TBCK: variants seen among roughly 807,000 people sequenced by gnomAD.
The protein encoded by TBCK is TBC1 domain containing kinase.
TBCK carries 99 observed loss-of-function variants against 113.4 expected under a neutral mutation model. The ratio of observed to expected loss-of-function variants is 0.87; its 90% CI spans 0.74 to 1.03. The LOEUF (loss-of-function observed/expected upper bound fraction) is 1.03. Among genes scored for constraint, TBCK ranks in the 50% least tolerant of loss-of-function variants. TBCK has a pLI of 0.00. For synonymous variants in TBCK, 369 were observed against 370.8 expected (o/e 1.00, Z 0.05); for missense variants, 1,045 against 1,061.3 (o/e 0.98, Z 0.21).
At chr4:106,252,319 G>A (rs1235726613) in intron 5 of TBCK, among the ~76,000 whole-genome samples, 10 of 151,702 alleles carry the variant, frequency 6.6e-5, no homozygotes, top group Admixed American at 6.6e-4. Context: ...CCTTCTTATT[G>A]CCTATCTTCC....
At chr4:106,149,165 G>C (rs954578523) in intron 23 of TBCK, among the ~76,000 whole-genome samples, 1 of 152,214 alleles carries the variant, frequency 6.6e-6, no homozygotes, top group Non-Finnish European at 1.5e-5. Context: ...TGGCTTAAGG[G>C]AATGTTGTGG....
chr4:106,095,714 A>G lies in TBCK; in HGVS notation c.2412-73T>C, dbSNP rs930285451. The G allele has an allele frequency of 5.1e-5, 71 of 1,384,270 alleles. 2 individuals are homozygous for G. In the South Asian group the frequency reaches 9.6e-4, roughly 19 times the overall value. 85.7% of individuals were successfully genotyped at this position (1,384,270 alleles called of 1,614,324 possible). A position where few individuals can be genotyped will look rare whatever the true frequency, so the allele number is the denominator to read the frequency against. On this transcript the variant is annotated intron_variant, in intron 24 of 25. Coordinates refer to ENST00000394708, the MANE Select transcript of TBCK (RefSeq NM_001163435.3). ...GTGTCTGAGGGAAACTCACAGAGCTAAGTGACTCCCAGAAGATAGTACTAA... is the reference window on the plus strand; with the variant it reads ...GTGTCTGAGGGAAACTCACAGAGCTGAGTGACTCCCAGAAGATAGTACTAA...
At chr4:106,098,551 T>C (rs187658882) in intron 24 of TBCK, among the ~76,000 whole-genome samples, 12 of 152,164 alleles carry the variant, frequency 7.9e-5, no homozygotes, top group Admixed American at 7.8e-4. Context: ...GAATTTTTTA[T>C]GACATACTTG....
At chr4:106,212,573 T>C (rs1423512906) in intron 20 of TBCK, among the ~76,000 whole-genome samples, 177 bp downstream of exon 20, 2 of 152,186 alleles carry the variant, frequency 1.3e-5, no homozygotes, top group Admixed American at 1.3e-4. Flanking sequence ...TTTCATTACT[T>C]AAGGTGGAAA....
intron 23 of TBCK, among the ~76,000 whole-genome samples, chr4:106,154,763 T>C (rs1210472063): frequency 6.6e-6 from 1 of 152,198 alleles, no homozygotes; most frequent in Non-Finnish European, 1.5e-5. Context: ...GTGAGTCAAT[T>C]AAATTTCTTT....
chr4:106,118,229 A>G (rs1187908536), intron 23 of TBCK, among the ~76,000 whole-genome samples: 2 of 152,162 alleles, frequency 1.3e-5, no homozygotes, highest in African/African-American at 2.4e-5. Context: ...TAAACCATAT[A>G]AATCATTTAC....
chr4:106,230,493 T>C (rs1159104802), intron 18 of TBCK, 47 bp from the exon 19 acceptor site: 1 of 1,163,724 alleles, frequency 8.6e-7, no homozygotes, highest in Non-Finnish European at 1.3e-6. Context: ...GTTAACAGGG[T>C]AGATGACCAT....
intron 25 of TBCK, among the ~76,000 whole-genome samples, chr4:106,068,547 A>T (rs1736947819): frequency 1.3e-5 from 2 of 152,140 alleles, no homozygotes; most frequent in Non-Finnish European, 2.9e-5. Context: ...CCAGTCTATC[A>T]TTGATGGATA....
chr4:106,106,103 T>C lies in TBCK; in HGVS notation c.2411+10100A>G, dbSNP rs569337561. 1.4e-4 allele frequency among the ~76,000 whole-genome samples: 21 copies of C among 150,866 alleles called. No individual in the cohort carries two copies. In the South Asian group the frequency reaches 4.0e-3, roughly 29 times the overall value. ...CAGACTAAAATAAAAAAAAAAAGAA[T>C]AAAAAGGAATGAACAAAGCCTCTGA... On this transcript the variant is annotated intron_variant, in intron 24 of 25. Coordinates refer to ENST00000394708, the MANE Select transcript of TBCK (RefSeq NM_001163435.3).
chr4:106,086,942 AAG>A (rs1305199903), intron 25 of TBCK, among the ~76,000 whole-genome samples: 9 of 152,192 alleles, frequency 5.9e-5, no homozygotes, highest in African/African-American at 1.9e-4. Context: ...TCAAAATAAT[AAG>A]AGTTATTTAT....
chr4:106,237,832 C>T (rs1450591965), intron 12 of TBCK, among the ~76,000 whole-genome samples: 1 of 152,010 alleles, frequency 6.6e-6, no homozygotes, highest in Admixed American at 6.6e-5. Flanking sequence ...TATTAATACA[C>T]ATAAATCTTT....
chr4:106,170,824 C>A (rs1750901315), intron 23 of TBCK, among the ~76,000 whole-genome samples: 1 of 151,762 alleles, frequency 6.6e-6, no homozygotes, highest in Admixed American at 6.6e-5. Context: ...CACTATATAA[C>A]CAATTGATAT....
intron 9 of TBCK, 80 bp from the exon 10 acceptor site, chr4:106,247,367 G>T: frequency 7.4e-7 from 1 of 1,353,720 alleles, no homozygotes; most frequent in Non-Finnish European, 1.0e-6. Flanking sequence ...TCAAGAGAAT[G>T]GATAAAAGTC....
intron 23 of TBCK, among the ~76,000 whole-genome samples, chr4:106,129,217 G>T (rs899805181): frequency 1.3e-5 from 2 of 152,172 alleles, no homozygotes; most frequent in African/African-American, 4.8e-5. Context: ...GGCCATGGTG[G>T]TTTGCTGCAC....
At position 106,045,103 on chromosome 4, in the gene TBCK, G is replaced by A. The variant is rs1180281013; in HGVS notation, c.*1467C>T. 6 of 149,006 alleles carry A rather than the reference G, an allele frequency of 4.0e-5. No homozygotes were observed. Among genetic ancestry groups the A allele is most frequent in the Non-Finnish European group, 4.4e-5 (3 of 67,688 alleles). The allele number at this position is 149,006 out of a possible 1,614,324, so 9.2% of individuals were successfully genotyped here. A position where few individuals can be genotyped will look rare whatever the true frequency, so the allele number is the denominator to read the frequency against. ...ATGGCAGGGTGAGCCCTGTTGCCCAGGCTGGGGTACAGTGGCCCTATCATG... is the reference window on the plus strand; with the variant it reads ...ATGGCAGGGTGAGCCCTGTTGCCCAAGCTGGGGTACAGTGGCCCTATCATG... On this transcript the variant is annotated 3_prime_UTR_variant, in exon 26 of 26. Coordinates refer to ENST00000394708, the MANE Select transcript of TBCK (RefSeq NM_001163435.3).
chr4:106,175,304 T>C (rs1751531445), intron 22 of TBCK, among the ~76,000 whole-genome samples: 1 of 151,918 alleles, frequency 6.6e-6, no homozygotes, highest in African/African-American at 2.4e-5. Context: ...CCTCAGAGAT[T>C]TTGTGATCTT....
chr4:106,231,845 C>A (rs1758889673), intron 17 of TBCK, 66 bp from the exon 18 acceptor site: 3 of 1,370,632 alleles, frequency 2.2e-6, no homozygotes, highest in African/African-American at 2.9e-5. Flanking sequence ...AAGATATATA[C>A]CTTATTCAAT....
chr4:106,275,006 C>A lies in TBCK; in HGVS notation c.267-12794G>T, dbSNP rs80033476. On this transcript the variant is annotated intron_variant, in intron 3 of 25. Transcript: ENST00000394708. The stretch of plus-strand genomic sequence containing the variant: ...AAGTATGTAGGTGTGGTGGTGTGTG[C>A]CTGTAGTCCCAGCTACTTGGGAGGG... 2.6e-4 allele frequency among the ~76,000 whole-genome samples: 40 copies of A among 152,028 alleles called. No homozygotes were observed. In the East Asian group the frequency reaches 4.8e-3, roughly 18 times the overall value.
chr4:106,255,073 G>T, intron 5 of TBCK: 1 of 322,840 alleles, frequency 3.1e-6, no homozygotes, highest in Non-Finnish European at 6.2e-6. Flanking sequence ...AAATAGATAA[G>T]ATATAAAGAC....
Sources: gnomAD v4.1 joint callset for allele counts (sites outside exome capture counted in the v4.1 genomes callset) on GRCh38, gnomAD v4.1.1 for gene constraint, MANE v1.5 for transcripts, NCBI Gene and HGNC (gene_info 2026-07-23, HGNC 2026-07-21) for gene names.